The following PFDN5 variants were observed in gnomAD, a reference collection of about 807,000 sequenced individuals.
PFDN5 encodes the protein c-myc binding protein.
Under a neutral mutation model 21.5 loss-of-function variants are expected in PFDN5, and 13 were observed. That is an observed-to-expected ratio of 0.60 (90% CI 0.39 to 0.96). The LOEUF (loss-of-function observed/expected upper bound fraction) is 0.96. Ranked by LOEUF, PFDN5 falls within the 40% of genes least tolerant of loss-of-function variation. PFDN5 has a pLI of 0.00. For synonymous variants in PFDN5, 84 were observed against 68.9 expected (o/e 1.22, Z -1.08); for missense variants, 188 against 186.2 (o/e 1.01, Z -0.06).
intron 4 of PFDN5, 60 bp from the exon 5 acceptor site, chr12:53,297,985 G>C: frequency 6.4e-7 from 1 of 1,566,916 alleles, no homozygotes. Context: ...GGAAGCTCTA[G>C]AGCGCAGCAT....
At chr12:53,299,123 C>T in intron 5 of PFDN5, 146 bp from the exon 6 acceptor site, 1 of 464,800 alleles carries the variant, frequency 2.2e-6, no homozygotes, top group African/African-American at 2.4e-5. Context: ...GTGACAAGAG[C>T]AGGATTCTGT....
At chr12:53,296,618 C>T in intron 3 of PFDN5, 1 of 377,382 alleles carries the variant, frequency 2.6e-6, no homozygotes, top group South Asian at 2.3e-5. Context: ...CCATATTGGC[C>T]AGGCTAGTCT....
chr12:53,298,120 G>A lies in PFDN5; in HGVS notation c.358G>A (p.Ala120Thr). ...CAAGCAGATGGAGAAAATCCAACCA[G>A]CTCTTCAGGAGAAGCACGCCATGAA... ...LTKQMEKIQP[A>T]LQEKHAMKQA... is the part of the protein sequence containing the mutation. Residue 120 changes from alanine (A) to threonine (T), a missense_variant, in exon 5 of 6, where the codon GCT becomes ACT. By Grantham distance (58) the Ala-to-Thr change is moderately conservative. Coordinates refer to ENST00000334478, the MANE Select transcript of PFDN5 (RefSeq NM_002624.4). 1 of 1,613,154 alleles carries A rather than the reference G, an allele frequency of 6.2e-7. No individual in the cohort carries two copies. Among genetic ancestry groups the A allele is most frequent in the South Asian group, 1.1e-5 (1 of 91,078 alleles).
At chr12:53,296,133 T>A in intron 2 of PFDN5, 111 bp from the exon 3 acceptor site, 1 of 952,362 alleles carries the variant, frequency 1.1e-6, no homozygotes, top group Non-Finnish European at 1.7e-6. Context: ...TGCCCCTGTT[T>A]CCGTTCTTTT....
Position 53,295,555 on chromosome 12 carries a change from C to G in PFDN5, c.-13C>G, listed in dbSNP as rs762650374. On this transcript the variant is annotated 5_prime_UTR_variant, in exon 1 of 6. Coordinates refer to ENST00000334478, the MANE Select transcript of PFDN5 (RefSeq NM_002624.4). ...CCGAGAGACTTCCTCTTCGTTAAGT[C>G]GGCCTTCCCAACATGGCGCAGTCTA... 2.5e-6 allele frequency: 4 copies of G among 1,609,674 alleles called. No homozygotes were observed. Among genetic ancestry groups the G allele is most frequent in the Non-Finnish European group, 3.4e-6 (4 of 1,176,252 alleles).
rs1432938297 is a variant in PFDN5 at position 53,295,590 on chromosome 12, C to T, written c.23C>T (p.Thr8Met). Residue 8 changes from threonine (T) to methionine (M), a missense_variant, in exon 1 of 6, where the codon ACG (threonine) becomes ATG (methionine). Thr to Met is a moderately conservative substitution (Grantham distance 81, BLOSUM62 -1). Coordinates refer to ENST00000334478, the MANE Select transcript of PFDN5 (RefSeq NM_002624.4). The stretch of plus-strand genomic sequence containing the variant: ...AACATGGCGCAGTCTATTAACATCA[C>T]GGAGCTGAATCTGCCGCAGCTAGAA... MAQSINI[T>M]ELNLPQLEML... The T allele has an allele frequency of 1.2e-6, 2 of 1,613,958 alleles. No individual in the cohort carries two copies. Among genetic ancestry groups the T allele is most frequent in the Non-Finnish European group, 8.5e-7 (1 of 1,179,844 alleles).
intron 3 of PFDN5, 52 bp from the exon 4 acceptor site, chr12:53,297,798 A>T: frequency 7.2e-7 from 1 of 1,385,626 alleles, no homozygotes; most frequent in South Asian, 1.2e-5. Flanking sequence ...GGCTGGCGGA[A>T]TCATGGCTCA....
chr12:53,297,688 C>T, intron 3 of PFDN5, 162 bp from the exon 4 acceptor site: 1 of 612,446 alleles, frequency 1.6e-6, no homozygotes, highest in Non-Finnish European at 3.0e-6. Context: ...GTCTTCTTTC[C>T]ATTTGGAGTT....
chr12:53,297,796 G>T, intron 3 of PFDN5, 54 bp from the exon 4 acceptor site: 2 of 1,364,024 alleles, frequency 1.5e-6, no homozygotes, highest in South Asian at 1.2e-5. Flanking sequence ...CTGGCTGGCG[G>T]AATCATGGCT....
intron 5 of PFDN5, 74 bp from the exon 6 acceptor site, chr12:53,299,195 C>A: frequency 5.4e-5 from 48 of 895,132 alleles, no homozygotes; most frequent in Non-Finnish European, 7.4e-5. Flanking sequence ...TGTCCTTAAA[C>A]TTGCCTGTCA....
intron 4 of PFDN5, 43 bp from the exon 5 acceptor site, chr12:53,298,002 A>C: frequency 6.4e-7 from 1 of 1,563,972 alleles, no homozygotes; most frequent in Non-Finnish European, 8.8e-7. Context: ...GCATGGCCAG[A>C]GGGAGTCTCC....
chr12:53,296,890 AG>A (rs1944157973), intron 3 of PFDN5: 1 of 156,952 alleles, frequency 6.4e-6, no homozygotes, highest in Admixed American at 6.5e-5. Context: ...ATATCTTAGA[AG>A]ATACAGGCAA....
chr12:53,296,061 A>C (rs878855621), intron 2 of PFDN5, 120 bp downstream of exon 2: 1 of 777,598 alleles, frequency 1.3e-6, no homozygotes, highest in Non-Finnish European at 2.2e-6. Flanking sequence ...ATACCGCTTC[A>C]TGAACCCTTT....
At chr12:53,297,965 G>C (rs764547963) in intron 4 of PFDN5, 41 bp downstream of exon 4, 3 of 1,579,130 alleles carry the variant, frequency 1.9e-6, no homozygotes, top group Non-Finnish European at 2.6e-6. Flanking sequence ...ACAGGGAAGG[G>C]AAATTCAGGG....
chr12:53,297,216 G>C (rs1489868791), intron 3 of PFDN5: 1 of 153,432 alleles, frequency 6.5e-6, no homozygotes, highest in Non-Finnish European at 1.5e-5. Flanking sequence ...ATCACCTGAG[G>C]TCAGGAGTTA....
At chr12:53,296,083 G>C in intron 2 of PFDN5, 142 bp downstream of exon 2, 6 of 782,948 alleles carry the variant, frequency 7.7e-6, no homozygotes, top group Admixed American at 2.1e-5. Context: ...CATGTTGCCT[G>C]CCTAGAATTG....
intron 3 of PFDN5, chr12:53,296,985 C>T (rs1944159110): frequency 6.5e-6 from 1 of 154,288 alleles, no homozygotes; most frequent in African/African-American, 2.4e-5. Context: ...CATTTCTAAA[C>T]TGTCACTAAG....
In PFDN5 at chr12:53,299,363, G is replaced by T; in HGVS notation, c.*18G>T. 6.4e-7 allele frequency: 1 copy of T among 1,559,342 alleles called. No homozygotes were observed. Among genetic ancestry groups the T allele is most frequent in the Non-Finnish European group, 8.8e-7 (1 of 1,134,514 alleles). On this transcript the variant is annotated 3_prime_UTR_variant, in exon 6 of 6. Coordinates refer to ENST00000334478, the MANE Select transcript of PFDN5 (RefSeq NM_002624.4). ...AGGCCTGAGAGTTTTTGCAGAAATGGGGCAGAGGGACACCCTTTGGGCGTG... is the reference window on the plus strand; with the variant it reads ...AGGCCTGAGAGTTTTTGCAGAAATGTGGCAGAGGGACACCCTTTGGGCGTG...
chr12:53,297,976 GA>G (rs1944175530), intron 4 of PFDN5, 52 bp downstream of exon 4: 1 of 1,570,224 alleles, frequency 6.4e-7, no homozygotes, highest in Admixed American at 1.7e-5. Context: ...AAATTCAGGG[GA>G]AGCTCTAGAG....
Sources: allele counts gnomAD v4.1 joint callset, GRCh38; gene constraint gnomAD v4.1.1; transcripts MANE v1.5; gene names NCBI Gene and HGNC (gene_info 2026-07-23, HGNC 2026-07-21).